Variants in VAMP7 observed in about 807,000 individuals in gnomAD.
VAMP7 encodes the protein vesicle-associated membrane protein 7.
Under a neutral mutation model 29.6 loss-of-function variants are expected in VAMP7, and 14 were observed. The observed-to-expected ratio is 0.47, with a 90% CI of 0.31 to 0.74. The LOEUF is 0.74. VAMP7 is among the 30% of genes least tolerant of loss of function. VAMP7 has a pLI of 0.05. For missense variants in VAMP7, 223 were observed against 262.4 expected, an observed-to-expected ratio of 0.85 and a Z score of 1.04; for synonymous variants, 95 against 88.1, an observed-to-expected ratio of 1.08 and a Z score of -0.44.
At chrX:155,931,626 G>A (rs2066557123) in intron 6 of VAMP7, among the ~76,000 whole-genome samples, 1 of 152,174 alleles carries the variant, frequency 6.6e-6, no homozygotes, top group Non-Finnish European at 1.5e-5. Flanking sequence ...TTTGTCAGAT[G>A]AGTAGATTGC....
At chrX:155,903,205 C>T (rs190645651) in intron 5 of VAMP7, among the ~76,000 whole-genome samples, 7 of 152,046 alleles carry the variant, frequency 4.6e-5, no homozygotes, top group South Asian at 2.1e-4. Context: ...TCTGTGGGAT[C>T]GGTGGTGATA....
chrX:155,888,460 T>G (rs1369339528), intron 1 of VAMP7, among the ~76,000 whole-genome samples: 1 of 152,220 alleles, frequency 6.6e-6, no homozygotes, highest in Non-Finnish European at 1.5e-5. Flanking sequence ...TGAGAACCAC[T>G]GGTATGTTGG....
intron 5 of VAMP7, among the ~76,000 whole-genome samples, chrX:155,901,442 A>G: frequency 6.6e-6 from 1 of 152,128 alleles, no homozygotes; most frequent in East Asian, 1.9e-4. Context: ...CAGATGCATA[A>G]AGTTTCCAGA....
chrX:155,918,222 AGT>A (rs2066340711), intron 5 of VAMP7, among the ~76,000 whole-genome samples: 1 of 152,150 alleles, frequency 6.6e-6, no homozygotes, highest in Admixed American at 6.5e-5. Flanking sequence ...ATTTCAAGCC[AGT>A]GGATCTTAGC....
intron 6 of VAMP7, among the ~76,000 whole-genome samples, chrX:155,935,752 G>A (rs1386049694): frequency 2.6e-5 from 4 of 152,120 alleles, no homozygotes; most frequent in Non-Finnish European, 2.9e-5. Flanking sequence ...GAGGAGCTGC[G>A]TTCCTTTGGA....
chrX:155,903,798 C>T (rs1173893554), intron 5 of VAMP7, among the ~76,000 whole-genome samples: 3 of 152,048 alleles, frequency 2.0e-5, no homozygotes, highest in Admixed American at 6.6e-5. Context: ...GTCAGTGTGG[C>T]GATTCCTCAG....
chrX:155,936,185 C>A (rs1263616233), intron 6 of VAMP7, among the ~76,000 whole-genome samples: 1 of 152,130 alleles, frequency 6.6e-6, no homozygotes, highest in African/African-American at 2.4e-5. Flanking sequence ...GTTCTCAGAT[C>A]TCAAACTCTG....
At position 155,901,647 on chromosome X, in the gene VAMP7, G is replaced by T. The variant is rs182288968; in HGVS notation, c.433+1060G>T. On this transcript the variant is annotated intron_variant, in intron 5 of 7. Transcript: ENST00000286448. ...ATAGGGAATCCTTTCCCCATTGCTTGTTTTTCTTAGGTTTGTCAAAGATCA... is the reference window on the plus strand; with the variant it reads ...ATAGGGAATCCTTTCCCCATTGCTTTTTTTTCTTAGGTTTGTCAAAGATCA... Among the ~76,000 whole-genome samples the T allele has an allele frequency of 3.3e-3, 503 of 152,130 alleles. 1 individual carries two copies. Among genetic ancestry groups the T allele is most frequent in the African/African-American group, 0.011 (477 of 41,522 alleles).
At chrX:155,920,554 A>G (rs995876826) in intron 6 of VAMP7, among the ~76,000 whole-genome samples, 1 of 152,156 alleles carries the variant, frequency 6.6e-6, no homozygotes, top group Non-Finnish European at 1.5e-5. Context: ...GAAAACAGTG[A>G]TTGATTATGT....
At chrX:155,916,056 A>G (rs1161235413) in intron 5 of VAMP7, among the ~76,000 whole-genome samples, 5 of 152,184 alleles carry the variant, frequency 3.3e-5, no homozygotes, top group African/African-American at 9.7e-5. Flanking sequence ...GGGTGCATAT[A>G]TATTTAGGAT....
chrX:155,935,466 A>G (rs2066636627), intron 6 of VAMP7, among the ~76,000 whole-genome samples: 2 of 151,964 alleles, frequency 1.3e-5, no homozygotes, highest in Admixed American at 1.3e-4. Flanking sequence ...TCAATCACGG[A>G]TACCCTTTCT....
intron 5 of VAMP7, among the ~76,000 whole-genome samples, chrX:155,903,143 T>A (rs1413299625): frequency 5.9e-5 from 9 of 152,282 alleles, no homozygotes; most frequent in Admixed American, 2.6e-4. Context: ...CTAGATTTTC[T>A]AGTTTATTTG....
chrX:155,905,069 C>T (rs2066129124), intron 5 of VAMP7, among the ~76,000 whole-genome samples: 1 of 151,790 alleles, frequency 6.6e-6, no homozygotes, highest in Non-Finnish European at 1.5e-5. Flanking sequence ...ATTCTGATTC[C>T]TCCACATCCT....
chrX:155,883,997 C>T (rs1404967656), intron 1 of VAMP7, among the ~76,000 whole-genome samples: 1 of 151,850 alleles, frequency 6.6e-6, no homozygotes, highest in Admixed American at 6.6e-5. Context: ...CAGGCATGAG[C>T]CACCATGCCC....
intron 5 of VAMP7, among the ~76,000 whole-genome samples, chrX:155,907,332 G>C (rs987157888): frequency 7.3e-5 from 11 of 151,594 alleles, no homozygotes; most frequent in Admixed American, 2.0e-4. Flanking sequence ...CGGGGATTTG[G>C]CAGGGTCATG....
chrX:155,901,097 C>A (rs1373296845), intron 5 of VAMP7, among the ~76,000 whole-genome samples: 1 of 152,016 alleles, frequency 6.6e-6, no homozygotes, highest in African/African-American at 2.4e-5. Flanking sequence ...GTTGCAAATA[C>A]TCTTAAGTAG....
In VAMP7 at chrX:155,942,681, A is replaced by T. The variant is rs761543811; in HGVS notation, c.*730A>T. 6.5e-6 allele frequency: 1 copy of T among 153,658 alleles called. No individual in the cohort carries two copies. The highest frequency in any genetic ancestry group is 2.4e-5 in the African/African-American group (1 of 41,454). 9.5% of individuals were successfully genotyped at this position (153,658 alleles called of 1,614,324 possible). Reference sequence around the variant, plus strand: ...GAAGATGAAGGTTTAAATATTGTTGAAAGTTGCAGTTTTTTAAATGTGTTC... The same window carrying T: ...GAAGATGAAGGTTTAAATATTGTTGTAAGTTGCAGTTTTTTAAATGTGTTC... On this transcript the variant is annotated 3_prime_UTR_variant, in exon 8 of 8. Coordinates refer to ENST00000286448, the MANE Select transcript of VAMP7 (RefSeq NM_005638.6).
chrX:155,913,049 C>T (rs2066260340), intron 5 of VAMP7, among the ~76,000 whole-genome samples: 1 of 151,764 alleles, frequency 6.6e-6, no homozygotes, highest in Non-Finnish European at 1.5e-5. Flanking sequence ...TAATGATTGC[C>T]ATTTAATGGT....
intron 1 of VAMP7, among the ~76,000 whole-genome samples, chrX:155,886,496 G>A (rs1454540384): frequency 6.6e-6 from 1 of 152,146 alleles, no homozygotes; most frequent in Non-Finnish European, 1.5e-5. Context: ...ATTGTTCCTA[G>A]TTATATTCTG....
Sources: gnomAD v4.1 joint callset for allele counts (sites outside exome capture counted in the v4.1 genomes callset) on GRCh38, gnomAD v4.1.1 for gene constraint, MANE v1.5 for transcripts, NCBI Gene and HGNC (gene_info 2026-07-23, HGNC 2026-07-21) for gene names.